The following ARPC5 variants were observed in gnomAD, a reference collection of about 807,000 sequenced individuals.
ARPC5 encodes the protein actin related protein 2/3 complex subunit 5.
ARPC5 carries 5 observed loss-of-function variants against 15.4 expected under a neutral mutation model. That is an observed-to-expected ratio of 0.32 (90% CI 0.17 to 0.68). ARPC5 has a LOEUF of 0.68. Ranked by LOEUF, ARPC5 falls within the 30% of genes least tolerant of loss-of-function variation. The pLI is 0.71. For missense variants in ARPC5, 138 were observed against 192.8 expected, an observed-to-expected ratio of 0.72 and a Z score of 1.68; for synonymous variants, 85 against 72.2, an observed-to-expected ratio of 1.18 and a Z score of -0.90.
At chr1:183,630,318 T>C in intron 3 of ARPC5, 143 bp downstream of exon 3, 1 of 628,256 alleles carries the variant, frequency 1.6e-6, no homozygotes. Context: ...TAAACATAAA[T>C]ATGAACTATC....
Position 183,635,742 on chromosome 1 carries a change from G to C in ARPC5, c.-83C>G. ...CCAGCCCAGCAACCCACTACCCGGC[G>C]CCTGATTCACTTCCCTCTTCCGCTC... is the stretch of plus-strand genomic sequence containing the variant. On this transcript the variant is annotated 5_prime_UTR_variant, in exon 1 of 4. Transcript: ENST00000359856. 6.5e-7 allele frequency: 1 copy of C among 1,532,562 alleles called. No homozygotes were observed. Among genetic ancestry groups the C allele is most frequent in the Non-Finnish European group, 8.8e-7 (1 of 1,135,356 alleles). 94.9% of individuals were successfully genotyped at this position (1,532,562 alleles called of 1,614,324 possible).
rs1157563284 is a variant in ARPC5 at position 183,624,955 on chromosome 1, C to T, written c.*2577G>A. 1.1e-4 allele frequency: 16 copies of T among 152,080 alleles called. No individual in the cohort carries two copies. Among genetic ancestry groups the T allele is most frequent in the Admixed American group, 5.9e-4 (9 of 15,266 alleles). The allele number at this position is 152,080 out of a possible 1,614,324, so 9.4% of individuals were successfully genotyped here. ...TGTACCATCTACACATTGATTTCAC[C>T]CATGTTCATGTCCTTAAAATATCAT... On this transcript the variant is annotated 3_prime_UTR_variant, in exon 4 of 4. Coordinates refer to ENST00000359856, the MANE Select transcript of ARPC5 (RefSeq NM_005717.4).
rs1648918034 is a variant in ARPC5 at position 183,621,008 on chromosome 1, A to C, written c.*6524T>G. On this transcript the variant is annotated 3_prime_UTR_variant, in exon 4 of 4. Coordinates refer to ENST00000359856, the MANE Select transcript of ARPC5 (RefSeq NM_005717.4). ...AATATAGAAATACAAAAATATAGAAAAGAAAATACAACTGGCTATTAGGCA... is the reference window on the plus strand; with the variant it reads ...AATATAGAAATACAAAAATATAGAACAGAAAATACAACTGGCTATTAGGCA... 1 of 152,192 alleles carries C rather than the reference A, an allele frequency of 6.6e-6. No homozygotes were observed. Among genetic ancestry groups the C allele is most frequent in the South Asian group, 2.1e-4 (1 of 4,834 alleles). The allele number at this position is 152,192 out of a possible 1,614,324, so 9.4% of individuals were successfully genotyped here.
intron 2 of ARPC5, 77 bp downstream of exon 2, chr1:183,633,003 ATT>A (rs138442122): frequency 9.3e-7 from 1 of 1,077,512 alleles, no homozygotes; most frequent in Non-Finnish European, 1.4e-6. Flanking sequence ...TAAAATATTG[ATT>A]TTTTTTTGCA....
rs1648992214 is a variant in ARPC5 at position 183,623,389 on chromosome 1, A to G, written c.*4143T>C. On this transcript the variant is annotated 3_prime_UTR_variant, in exon 4 of 4. Coordinates refer to ENST00000359856, the MANE Select transcript of ARPC5 (RefSeq NM_005717.4). ...GGTTGGATCATCAATGTGGTGAAGT[A>G]GCACCACCTTGAGGCAGATGACATG... 6.5e-7 allele frequency: 1 copy of G among 1,545,544 alleles called. No homozygotes were observed.
intron 3 of ARPC5, 65 bp downstream of exon 3, chr1:183,630,396 A>G: frequency 2.4e-6 from 3 of 1,272,148 alleles, no homozygotes; most frequent in Admixed American, 4.8e-5. Context: ...TAGGTGAGAG[A>G]GGTTGTCATT....
intron 2 of ARPC5, 89 bp downstream of exon 2, chr1:183,632,993 T>C: frequency 9.7e-7 from 1 of 1,031,438 alleles, no homozygotes; most frequent in Non-Finnish European, 1.4e-6. Context: ...AGCAAACAGT[T>C]AAAATATTGA....
In ARPC5 at chr1:183,627,203, A is replaced by G. The variant is rs1015913093; in HGVS notation, c.*329T>C. 3 of 212,806 alleles carry G rather than the reference A, an allele frequency of 1.4e-5. No homozygotes were observed. Among genetic ancestry groups the G allele is most frequent in the African/African-American group, 6.9e-5 (3 of 43,240 alleles). 13.2% of individuals were successfully genotyped at this position (212,806 alleles called of 1,614,324 possible). Reference sequence around the variant, plus strand: ...TATTAGTTAAAAATAATACAAAACAAAACAGAACAAAAAACCAGCCAACAG... The same window carrying G: ...TATTAGTTAAAAATAATACAAAACAGAACAGAACAAAAAACCAGCCAACAG... On this transcript the variant is annotated 3_prime_UTR_variant, in exon 4 of 4. Transcript: ENST00000359856.
chr1:183,628,628 T>C (rs147693424), intron 3 of ARPC5, among the ~76,000 whole-genome samples: 1 of 152,340 alleles, frequency 6.6e-6, no homozygotes, highest in African/African-American at 2.4e-5. Flanking sequence ...CTGCAGGTGC[T>C]ATTAAAGCAC....
rs184424575 is a variant in ARPC5 at position 183,621,664 on chromosome 1, A to T, written c.*5868T>A. Reference sequence around the variant, plus strand: ...GTTATTTCTTGATGATATGCTAAACAAGGGGTGTATTATTCATGCCTCCCC... The same window carrying T: ...GTTATTTCTTGATGATATGCTAAACTAGGGGTGTATTATTCATGCCTCCCC... On this transcript the variant is annotated 3_prime_UTR_variant, in exon 4 of 4. Coordinates refer to ENST00000359856, the MANE Select transcript of ARPC5 (RefSeq NM_005717.4). 6.6e-6 allele frequency: 1 copy of T among 152,372 alleles called. No individual in the cohort carries two copies. Among genetic ancestry groups the T allele is most frequent in the East Asian group, 1.9e-4 (1 of 5,188 alleles). 9.4% of individuals were successfully genotyped at this position (152,372 alleles called of 1,614,324 possible). A position where few individuals can be genotyped will look rare whatever the true frequency, so the allele number is the denominator to read the frequency against.
At chr1:183,628,735 G>C (rs1226482190) in intron 3 of ARPC5, among the ~76,000 whole-genome samples, 1 of 152,180 alleles carries the variant, frequency 6.6e-6, no homozygotes, top group Non-Finnish European at 1.5e-5. Context: ...GTAGGTGACA[G>C]GCTAACACCA....
At chr1:183,633,032 C>G in intron 2 of ARPC5, 50 bp downstream of exon 2, 1 of 1,372,782 alleles carries the variant, frequency 7.3e-7, no homozygotes, top group East Asian at 2.5e-5. Context: ...GAGGATTTTA[C>G]TAAGAATAAG....
At position 183,621,656 on chromosome 1, in the gene ARPC5, T is replaced by C. The variant is rs1001896629; in HGVS notation, c.*5876A>G. On this transcript the variant is annotated 3_prime_UTR_variant, in exon 4 of 4. Coordinates refer to ENST00000359856, the MANE Select transcript of ARPC5 (RefSeq NM_005717.4). Reference sequence around the variant, plus strand: ...TTTTAACGGTTATTTCTTGATGATATGCTAAACAAGGGGTGTATTATTCAT... The same window carrying C: ...TTTTAACGGTTATTTCTTGATGATACGCTAAACAAGGGGTGTATTATTCAT... The C allele has an allele frequency of 6.6e-6, 1 of 152,250 alleles. No individual in the cohort carries two copies. The highest frequency in any genetic ancestry group is 1.5e-5 in the Non-Finnish European group (1 of 68,038). 9.4% of individuals were successfully genotyped at this position (152,250 alleles called of 1,614,324 possible).
chr1:183,631,023 G>C (rs565276305), intron 2 of ARPC5: 1 of 160,708 alleles, frequency 6.2e-6, no homozygotes, highest in African/African-American at 2.4e-5. Context: ...CATTTTAACA[G>C]GATTGCTTTG....
At chr1:183,630,021 T>C (rs1240375913) in intron 3 of ARPC5, among the ~76,000 whole-genome samples, 1 of 152,244 alleles carries the variant, frequency 6.6e-6, no homozygotes, top group East Asian at 1.9e-4. Context: ...TCACTTGGTA[T>C]GTTTTCAAGG....
At chr1:183,631,711 G>C (rs1211807095) in intron 2 of ARPC5, 1 of 151,580 alleles carries the variant, frequency 6.6e-6, no homozygotes, top group Non-Finnish European at 1.5e-5. Context: ...AAACCAAGCT[G>C]TCTTAAAAGA....
chr1:183,631,138 T>C (rs1329519460), intron 2 of ARPC5: 1 of 152,722 alleles, frequency 6.5e-6, no homozygotes, highest in Non-Finnish European at 1.5e-5. Context: ...GTGGTAAGCA[T>C]AGTAGCAGTG....
Position 183,626,974 on chromosome 1 carries a change from A to G in ARPC5, c.*558T>C, listed in dbSNP as rs1649120717. The G allele has an allele frequency of 6.5e-6, 1 of 153,412 alleles. No individual in the cohort carries two copies. The highest frequency in any genetic ancestry group is 1.5e-5 in the Non-Finnish European group (1 of 68,620). The allele number at this position is 153,412 out of a possible 1,614,324, so 9.5% of individuals were successfully genotyped here. On this transcript the variant is annotated 3_prime_UTR_variant, in exon 4 of 4. Coordinates refer to ENST00000359856, the MANE Select transcript of ARPC5 (RefSeq NM_005717.4). ...TAAACCCACAGTACAGATAATCAGG[A>G]GGCAAGCAAAAACAAAGCTATAACT...
intron 1 of ARPC5, among the ~76,000 whole-genome samples, chr1:183,635,156 C>A (rs1434168560): frequency 6.6e-6 from 1 of 152,238 alleles, no homozygotes; most frequent in African/African-American, 2.4e-5. Flanking sequence ...AGGCGCTCGG[C>A]ACCAGCCTTC....
Sources: allele counts gnomAD v4.1 joint callset (sites outside exome capture counted in the v4.1 genomes callset), GRCh38; gene constraint gnomAD v4.1.1; transcripts MANE v1.5; gene names NCBI Gene and HGNC (gene_info 2026-07-23, HGNC 2026-07-21).